Variants in ALK observed in about 807,000 individuals in gnomAD.
ALK encodes ALK receptor tyrosine kinase.
ALK carries 74 observed loss-of-function variants against 163.1 expected under a neutral mutation model. The observed-to-expected ratio is 0.45, with a 90% confidence interval of 0.38 to 0.55. The LOEUF (loss-of-function observed/expected upper bound fraction) is 0.55. ALK is among the 20% of genes least tolerant of loss of function. ALK has a pLI of 0.00. For missense variants in ALK, 2,063 were observed against 2,105.3 expected, an observed-to-expected ratio of 0.98 and a Z score of 0.39; for synonymous variants, 960 against 843.2, an observed-to-expected ratio of 1.14 and a Z score of -2.40.
intron 4 of ALK, among the ~76,000 whole-genome samples, chr2:29,427,590 C>T (rs1373118272): frequency 6.6e-6 from 1 of 151,692 alleles, no homozygotes; most frequent in Non-Finnish European, 1.5e-5. Context: ...TAAAATGTTA[C>T]TCTAGAAGAT....
chr2:29,552,787 T>C (rs1673749341), intron 3 of ALK, among the ~76,000 whole-genome samples: 1 of 152,182 alleles, frequency 6.6e-6, no homozygotes, highest in South Asian at 2.1e-4. Flanking sequence ...CATCGGATTG[T>C]ATCCATTCCC....
At chr2:29,811,937 G>A (rs1664771014) in intron 1 of ALK, among the ~76,000 whole-genome samples, 1 of 152,218 alleles carries the variant, frequency 6.6e-6, no homozygotes, top group African/African-American at 2.4e-5. Flanking sequence ...CTTGGAAAAG[G>A]TGGCATAGAG....
intron 4 of ALK, among the ~76,000 whole-genome samples, chr2:29,530,915 T>C (rs1181842833): frequency 6.6e-6 from 1 of 152,230 alleles, no homozygotes; most frequent in African/African-American, 2.4e-5. Flanking sequence ...TGCAGCAGCT[T>C]GTAGTCCTTC....
chr2:29,706,313 C>A (rs985042319), intron 2 of ALK, among the ~76,000 whole-genome samples: 2 of 152,226 alleles, frequency 1.3e-5, no homozygotes, highest in East Asian at 1.9e-4. Context: ...GTGGCTCCCC[C>A]TTTCTGGATT....
In ALK at chr2:29,919,982, G is replaced by C. The variant is rs765124982; in HGVS notation, c.667+11C>G. ...ACTAAATCCCGGCACACTCAGGCGG[G>C]AGCTGCTCACCAGTCCCGAAGATCT... On this transcript the variant is annotated intron_variant, in intron 1 of 28. Coordinates refer to ENST00000389048, the MANE Select transcript of ALK (RefSeq NM_004304.5). The C allele has an allele frequency of 6.2e-7, 1 of 1,612,576 alleles. No homozygotes were observed. The highest frequency in any genetic ancestry group is 1.7e-5 in the Admixed American group (1 of 60,018).
chr2:29,251,667 C>T (rs762884775), intron 11 of ALK, among the ~76,000 whole-genome samples: 18 of 152,218 alleles, frequency 1.2e-4, no homozygotes, highest in Admixed American at 2.6e-4. Context: ...GCTGGGTCCT[C>T]TCCCAGTCTC....
intron 3 of ALK, among the ~76,000 whole-genome samples, chr2:29,650,548 T>C (rs909162152): frequency 6.6e-5 from 10 of 152,148 alleles, no homozygotes; most frequent in Admixed American, 6.5e-4. Context: ...TGAAGCACTG[T>C]CTCTCCTTTA....
Position 29,904,798 on chromosome 2 carries a change from C to T in ALK, c.667+15195G>A, listed in dbSNP as rs549842881. Among the ~76,000 whole-genome samples, 7 of 152,140 alleles carry T rather than the reference C, an allele frequency of 4.6e-5. No individual in the cohort carries two copies. In the East Asian group the frequency reaches 5.8e-4, roughly 13 times the overall value. On this transcript the variant is annotated intron_variant, in intron 1 of 28. Coordinates refer to ENST00000389048, the MANE Select transcript of ALK (RefSeq NM_004304.5). ...CTCCTTTCAGAAGTACAGGGGTTAACGAATGTTCAGAGTTCTTTAAACAAA... is the reference window on the plus strand; with the variant it reads ...CTCCTTTCAGAAGTACAGGGGTTAATGAATGTTCAGAGTTCTTTAAACAAA...
rs1460140435 is a variant in ALK, at chr2:29,197,609, G to A, written c.4006C>T (p.Gln1336Ter). Reference protein sequence around the residue: ...GYMPYPSKSNQEVLEFVTSGG... With the variant: ...GYMPYPSKSN ...CTGGTGACAAACTCCAGAACTTCCTGGTTGCTTTTGCTGGGGTATGGCATA... is the reference window on the plus strand; with the variant it reads ...CTGGTGACAAACTCCAGAACTTCCTAGTTGCTTTTGCTGGGGTATGGCATA... The change falls in exon 27 of 29, where the codon CAG (glutamine) becomes TAG (stop). Residue 1336 changes from glutamine to a stop codon, truncating the protein, a stop_gained. Transcript: ENST00000389048. LOFTEE classifies it high-confidence loss of function. 1 of 1,613,878 alleles carries A rather than the reference G, an allele frequency of 6.2e-7. No homozygotes were observed. The highest frequency in any genetic ancestry group is 1.3e-5 in the African/African-American group (1 of 74,910).
At chr2:29,387,540 T>C (rs538536310) in intron 4 of ALK, among the ~76,000 whole-genome samples, 103 of 152,318 alleles carry the variant, frequency 6.8e-4, no homozygotes, top group African/African-American at 2.3e-3. Context: ...TTGCGTGGGC[T>C]TGGGCAAGTC....
chr2:29,301,342 G>T (rs1480626074), intron 8 of ALK, among the ~76,000 whole-genome samples: 1 of 152,118 alleles, frequency 6.6e-6, no homozygotes, highest in African/African-American at 2.4e-5. Context: ...CTGCTGCCTT[G>T]TCTTCTCTCT....
At chr2:29,285,856 C>A (rs1008576507) in intron 9 of ALK, among the ~76,000 whole-genome samples, 10 of 152,212 alleles carry the variant, frequency 6.6e-5, no homozygotes, top group African/African-American at 2.4e-4. Flanking sequence ...AGCCACCGCA[C>A]CTGGCCTTCA....
intron 1 of ALK, among the ~76,000 whole-genome samples, chr2:29,855,227 C>T (rs956310800): frequency 3.9e-5 from 6 of 152,188 alleles, no homozygotes; most frequent in African/African-American, 1.4e-4. Flanking sequence ...ATCTTCACAG[C>T]CTCCCTATGG....
rs1407129567 is a variant in ALK, at chr2:29,717,695, G to T, written c.670C>A (p.His224Asn). 1 of 1,614,138 alleles carries T rather than the reference G, an allele frequency of 6.2e-7. No individual in the cohort carries two copies. The highest frequency in any genetic ancestry group is 1.1e-5 in the South Asian group (1 of 91,058). ...TTTGTTGGTGATTCCAAGGAGCTATGACCTGGACATAAAAATAAAGAAAAC... is the reference window on the plus strand; with the variant it reads ...TTTGTTGGTGATTCCAAGGAGCTATTACCTGGACATAAAAATAAAGAAAAC... ...RLLFQIFGTG[H>N]SSLESPTNMP... Residue 224 changes from histidine (H) to asparagine (N), a missense_variant and splice_region_variant, in exon 2 of 29, where the codon CAT becomes AAT. Physicochemically the swap from His to Asn is moderately conservative, Grantham distance 68. Around this residue, in one of 5 missense-constraint regions of ALK, gnomAD observed 987 missense variants for 939.5 expected, o/e 1.05. Transcript: ENST00000389048.
rs1039061408 is a variant in ALK at position 29,583,035 on chromosome 2, G to T, written c.953-50919C>A. Among the ~76,000 whole-genome samples the T allele has an allele frequency of 1.6e-3, 169 of 108,030 alleles. 3 individuals are homozygous for T. The highest frequency in any genetic ancestry group is 7.5e-3 in the Admixed American group (85 of 11,392). The allele number at this position is 108,030 out of a possible 152,430, so 70.9% of individuals were successfully genotyped here. On this transcript the variant is annotated intron_variant, in intron 3 of 28. Transcript: ENST00000389048. Reference sequence around the variant, plus strand: ...GTGCCACCATGCCTGGCTAACTTTTGTTTTTTGTTTTTTTGTTTTTTTTAG... The same window carrying T: ...GTGCCACCATGCCTGGCTAACTTTTTTTTTTTGTTTTTTTGTTTTTTTTAG...
chr2:29,515,480 G>C (rs13407827), intron 4 of ALK, among the ~76,000 whole-genome samples: 27,091 of 151,960 alleles, frequency 0.18, 2,847 homozygotes, highest in East Asian at 0.29. Flanking sequence ...GGATGAATGA[G>C]TGAATGAAGG....
At chr2:29,633,240 G>T (rs184240507) in intron 3 of ALK, among the ~76,000 whole-genome samples, 1 of 152,090 alleles carries the variant, frequency 6.6e-6, no homozygotes, top group African/African-American at 2.4e-5. Context: ...TCATAACAGT[G>T]ATCATGTCAA....
intron 4 of ALK, among the ~76,000 whole-genome samples, chr2:29,444,779 G>A (rs1405304587): frequency 1.3e-5 from 2 of 152,102 alleles, no homozygotes; most frequent in Non-Finnish European, 2.9e-5. Flanking sequence ...GTGGCCCTAG[G>A]CACTGTGCAT....
intron 1 of ALK, among the ~76,000 whole-genome samples, chr2:29,851,876 T>C (rs929252402): frequency 1.3e-5 from 2 of 152,220 alleles, no homozygotes; most frequent in African/African-American, 4.8e-5. Context: ...CATAGACTGC[T>C]CCTTCTTTAC....
Sources: allele counts gnomAD v4.1 joint callset (sites outside exome capture counted in the v4.1 genomes callset), GRCh38; gene constraint gnomAD v4.1.1; regional missense constraint gnomAD v4.1.1; transcripts MANE v1.5; gene names NCBI Gene and HGNC (gene_info 2026-07-23, HGNC 2026-07-21).